UGGT2: variants seen among roughly 807,000 people sequenced by gnomAD.
The protein encoded by UGGT2 is UDP-glucose glycoprotein glucosyltransferase 2, also known as UDP-glucose:glycoprotein glucosyltransferase 2.
A neutral mutation model predicts 192.1 loss-of-function variants in UGGT2; 180 were observed. That is an observed-to-expected ratio of 0.94 (90% CI 0.83 to 1.06). The LOEUF (loss-of-function observed/expected upper bound fraction) is 1.06, where lower values mean the gene tolerates loss of function less well. Among genes scored for constraint, UGGT2 ranks in the 50% least tolerant of loss-of-function variants. The probability of loss-of-function intolerance (pLI) is 0.00; values close to 1 mark genes in which losing one functional copy is unlikely to be tolerated. For missense variants in UGGT2, 1,849 were observed against 1,795.7 expected (o/e 1.03, Z -0.54); for synonymous variants, 580 against 591.0 (o/e 0.98, Z 0.27).
chr13:95,842,846 CAGTCA>C (rs1221813038), intron 36 of UGGT2, among the ~76,000 whole-genome samples: 3 of 152,192 alleles, frequency 2.0e-5, no homozygotes, highest in African/African-American at 7.2e-5. Context: ...CTTTGCCTAG[CAGTCA>C]AGTCTTTTGA....
In UGGT2 at chr13:95,890,974, T is replaced by C. The variant is rs1322490974; in HGVS notation, c.2856-10A>G. On this transcript the variant is annotated splice_polypyrimidine_tract_variant and intron_variant, in intron 24 of 38. Coordinates refer to ENST00000376747, the MANE Select transcript of UGGT2 (RefSeq NM_020121.4). The stretch of plus-strand genomic sequence containing the variant: ...ATTCGTCTTTATAACACTAAGAAAA[T>C]AGAAAATAAGATGAAAGATGACGTG... 8 of 1,577,120 alleles carry C rather than the reference T, an allele frequency of 5.1e-6. No homozygotes were observed. In the African/African-American group the frequency reaches 6.8e-5, roughly 13 times the overall value.
At position 96,048,606 on chromosome 13, in the gene UGGT2, A is replaced by G. The variant is rs2053390673; in HGVS notation, c.158+4549T>C. On this transcript the variant is annotated intron_variant, in intron 1 of 38. Coordinates refer to ENST00000376747, the MANE Select transcript of UGGT2 (RefSeq NM_020121.4). ...AGACCGCTAGCAAGACTAATAAAGAAGAAAAGAGAAGAATCAAATAGATGC... is the reference window on the plus strand; with the variant it reads ...AGACCGCTAGCAAGACTAATAAAGAGGAAAAGAGAAGAATCAAATAGATGC... Among the ~76,000 whole-genome samples the G allele has an allele frequency of 2.0e-5, 3 of 152,212 alleles. No individual in the cohort carries two copies. The South Asian group carries it at 6.2e-4, about 31-fold the overall frequency.
In UGGT2 at chr13:96,009,638, T is replaced by A. The variant is rs560312150; in HGVS notation, c.660+3669A>T. 4.6e-5 allele frequency among the ~76,000 whole-genome samples: 7 copies of A among 152,150 alleles called. No homozygotes were observed. The South Asian group carries it at 1.5e-3, about 32-fold the overall frequency. On this transcript the variant is annotated intron_variant, in intron 5 of 38. Transcript: ENST00000376747. ...TCCTGGCCAACATGCTGATACCCCA[T>A]CTCCACTAAAAATACAAAAATTAGC...
chr13:95,927,415 A>G, intron 17 of UGGT2, 79 bp from the exon 18 acceptor site: 1 of 1,206,166 alleles, frequency 8.3e-7, no homozygotes, highest in Non-Finnish European at 1.1e-6. Flanking sequence ...TAACACAAAG[A>G]TTACTTAATC....
At chr13:95,951,300 G>A (rs2050053161) in intron 12 of UGGT2, among the ~76,000 whole-genome samples, 1 of 152,112 alleles carries the variant, frequency 6.6e-6, no homozygotes, top group South Asian at 2.1e-4. Context: ...TTAATGAGAG[G>A]AGCTCAACAG....
intron 5 of UGGT2, among the ~76,000 whole-genome samples, chr13:96,006,521 G>T (rs2051980507): frequency 1.3e-5 from 2 of 151,578 alleles, no homozygotes; most frequent in South Asian, 4.2e-4. Context: ...GCTACTTGGG[G>T]GCTGAGGCAA....
chr13:96,049,994 G>C (rs188680458), intron 1 of UGGT2, among the ~76,000 whole-genome samples: 1 of 152,086 alleles, frequency 6.6e-6, no homozygotes, highest in Non-Finnish European at 1.5e-5. Flanking sequence ...AAGTTCATAT[G>C]GATACAAAAG....
Position 95,972,602 on chromosome 13 carries a change from T to C in UGGT2, c.1162A>G (p.Met388Val), listed in dbSNP as rs780073584. ...RLFINGLRVD[M>V]DVYDAFSILD... ...TACCTAAAAGCGTCATAAACATCCA[T>C]ATCAACACGAAGGCCATTTATAAAT... Residue 388 changes from methionine (M) to valine (V), a missense_variant, in exon 11 of 39, where the codon ATG becomes GTG. Transcript: ENST00000376747. The C allele has an allele frequency of 5.6e-6, 9 of 1,613,376 alleles. No homozygotes were observed. The highest frequency in any genetic ancestry group is 5.0e-5 in the Admixed American group (3 of 59,962).
intron 34 of UGGT2, 111 bp downstream of exon 34, chr13:95,856,047 A>T (rs2140051566): frequency 1.1e-6 from 1 of 886,974 alleles, no homozygotes; most frequent in Non-Finnish European, 1.6e-6. Context: ...ATCGTATCTT[A>T]AGCACCGTAA....
At chr13:95,879,324 T>C (rs2047426247) in intron 27 of UGGT2, among the ~76,000 whole-genome samples, 1 of 152,224 alleles carries the variant, frequency 6.6e-6, no homozygotes, top group African/African-American at 2.4e-5. Context: ...AACCACAACA[T>C]ACAAACATAG....
In UGGT2 at chr13:95,864,820, T is replaced by C. The variant is rs773711814; in HGVS notation, c.3559-1106A>G. 2.0e-5 allele frequency among the ~76,000 whole-genome samples: 3 copies of C among 152,316 alleles called. No homozygotes were observed. The South Asian group carries it at 6.2e-4, about 32-fold the overall frequency. ...TTGAACTACCTATCTTCTTTCTTGATCTTGATCTTCATTGTACTGGCAAAC... is the reference window on the plus strand; with the variant it reads ...TTGAACTACCTATCTTCTTTCTTGACCTTGATCTTCATTGTACTGGCAAAC... On this transcript the variant is annotated intron_variant, in intron 30 of 38. Coordinates refer to ENST00000376747, the MANE Select transcript of UGGT2 (RefSeq NM_020121.4).
chr13:96,041,167 T>C (rs938966772), intron 1 of UGGT2, among the ~76,000 whole-genome samples: 1 of 152,124 alleles, frequency 6.6e-6, no homozygotes, highest in Non-Finnish European at 1.5e-5. Context: ...CCAAATACTC[T>C]GAGTACCCAA....
At chr13:95,997,016 T>C (rs1460600240) in intron 6 of UGGT2, among the ~76,000 whole-genome samples, 1 of 152,220 alleles carries the variant, frequency 6.6e-6, no homozygotes, top group African/African-American at 2.4e-5. Flanking sequence ...GGTGGCTCTC[T>C]ATCAGAGTTT....
chr13:96,008,047 G>A (rs1269715749), intron 5 of UGGT2, among the ~76,000 whole-genome samples: 1 of 152,146 alleles, frequency 6.6e-6, no homozygotes, highest in Non-Finnish European at 1.5e-5. Context: ...AAAATTGATT[G>A]AAGACTCAAA....
intron 5 of UGGT2, 43 bp from the exon 6 acceptor site, chr13:95,999,350 T>C (rs1566810635): frequency 1.9e-6 from 3 of 1,565,994 alleles, no homozygotes; most frequent in South Asian, 2.2e-5. Flanking sequence ...AAAGAGTTAG[T>C]CAAACATTTT....
intron 5 of UGGT2, among the ~76,000 whole-genome samples, chr13:96,001,378 C>T (rs2051798289): frequency 6.6e-6 from 1 of 152,040 alleles, no homozygotes; most frequent in South Asian, 2.1e-4. Flanking sequence ...GAGAACAAAC[C>T]CCCTTTGACT....
intron 27 of UGGT2, among the ~76,000 whole-genome samples, chr13:95,878,777 T>C (rs2047412604): frequency 6.6e-6 from 1 of 152,230 alleles, no homozygotes; most frequent in Non-Finnish European, 1.5e-5. Flanking sequence ...TTCTGTATTG[T>C]ATAGTTGTTT....
At chr13:96,012,645 T>G (rs921904573) in intron 5 of UGGT2, among the ~76,000 whole-genome samples, 12 of 152,080 alleles carry the variant, frequency 7.9e-5, no homozygotes, top group Non-Finnish European at 1.0e-4. Flanking sequence ...TATATAAATC[T>G]TAATAATTTG....
intron 20 of UGGT2, among the ~76,000 whole-genome samples, chr13:95,909,497 C>T (rs2048405027): frequency 6.8e-6 from 1 of 147,274 alleles, no homozygotes; most frequent in Admixed American, 6.9e-5. Context: ...TAAACTATCG[C>T]AAGAACAAAA....
Sources: allele counts gnomAD v4.1 joint callset (sites outside exome capture counted in the v4.1 genomes callset), GRCh38; gene constraint gnomAD v4.1.1; transcripts MANE v1.5; gene names NCBI Gene and HGNC (gene_info 2026-07-23, HGNC 2026-07-21).